The following ITGA1 variants were observed in gnomAD, a reference collection of about 807,000 sequenced individuals.
ITGA1 encodes integrin subunit alpha 1, also known as integrin alpha-1.
Under a neutral mutation model 145.9 loss-of-function variants are expected in ITGA1, and 85 were observed. The ratio of observed to expected loss-of-function variants is 0.58; its 90% CI spans 0.49 to 0.70. The LOEUF (loss-of-function observed/expected upper bound fraction) is 0.70. ITGA1 is among the 30% of genes least tolerant of loss of function. ITGA1 has a pLI of 0.00. For synonymous variants in ITGA1, 520 were observed against 495.3 expected (o/e 1.05, Z -0.66); for missense variants, 1,351 against 1,418.7 (o/e 0.95, Z 0.77).
intron 1 of ITGA1, chr5:52,801,807 C>T (rs764657655): frequency 1.9e-6 from 3 of 1,611,898 alleles, no homozygotes; most frequent in South Asian, 2.2e-5. Context: ...AACTTTCTGA[C>T]CAAGAGGGTG....
intron 28 of ITGA1, among the ~76,000 whole-genome samples, chr5:52,952,114 C>T (rs1174257855): frequency 6.7e-6 from 1 of 150,230 alleles, no homozygotes; most frequent in Non-Finnish European, 1.5e-5. Context: ...CACTTGAACC[C>T]GGGTGGCGGA....
intron 18 of ITGA1, among the ~76,000 whole-genome samples, chr5:52,923,579 G>T (rs577016409): frequency 6.6e-6 from 1 of 152,134 alleles, no homozygotes. Flanking sequence ...TTAGGAAAAA[G>T]CTTGAAACCC....
At chr5:52,821,846 G>C (rs750272952) in intron 1 of ITGA1, among the ~76,000 whole-genome samples, 1 of 152,008 alleles carries the variant, frequency 6.6e-6, no homozygotes, top group Non-Finnish European at 1.5e-5. Context: ...TTTTATTTGA[G>C]TTGTTTCGAC....
intron 6 of ITGA1, among the ~76,000 whole-genome samples, chr5:52,875,126 C>T (rs1749845039): frequency 6.6e-6 from 1 of 152,096 alleles, no homozygotes; most frequent in African/African-American, 2.4e-5. Flanking sequence ...CAATTTGTGA[C>T]AGTTTTCATA....
chr5:52,850,416 G>A (rs188212944), intron 2 of ITGA1, among the ~76,000 whole-genome samples: 38 of 152,074 alleles, frequency 2.5e-4, no homozygotes, highest in African/African-American at 8.0e-4. Flanking sequence ...TGTTTAATTG[G>A]ACATTCTAGG....
intron 6 of ITGA1, among the ~76,000 whole-genome samples, chr5:52,875,174 G>T (rs966636805): frequency 2.0e-5 from 3 of 151,956 alleles, no homozygotes; most frequent in African/African-American, 7.2e-5. Context: ...GGAGTCTGCC[G>T]TAAAGATATA....
intron 14 of ITGA1, among the ~76,000 whole-genome samples, chr5:52,913,820 TAATGAC>T (rs1750603321): frequency 6.6e-6 from 1 of 152,192 alleles, no homozygotes. Context: ...CATAAAACCA[TAATGAC>T]AATAGTGAAC....
chr5:52,902,081 TG>T, intron 11 of ITGA1: 1 of 106,558 alleles, frequency 9.4e-6, no homozygotes, highest in East Asian at 2.8e-4. Flanking sequence ...GAGAAGAGAC[TG>T]AGTGTATTTT....
intron 15 of ITGA1, among the ~76,000 whole-genome samples, chr5:52,916,606 T>TA (rs550561441): frequency 6.6e-4 from 97 of 148,062 alleles, no homozygotes; most frequent in Admixed American, 1.4e-3. Flanking sequence ...AATCACTATT[T>TA]AAAAAAAAAA....
Position 52,910,360 on chromosome 5 carries a change from G to T in ITGA1, c.1798G>T (p.Gly600Trp). ...VIGAPLEDDH[G>W]GAVYIYHGSG... ...AGGAGCTCCGCTGGAAGATGATCACGGGGGAGCTGTGTACATTTATCATGG... is the reference window on the plus strand; with the variant it reads ...AGGAGCTCCGCTGGAAGATGATCACTGGGGAGCTGTGTACATTTATCATGG... Residue 600 changes from glycine (G) to tryptophan (W), a missense_variant, in exon 14 of 29, where the codon GGG becomes TGG. Gly to Trp is a radical substitution (Grantham distance 184). Transcript: ENST00000282588. 1 of 1,613,756 alleles carries T rather than the reference G, an allele frequency of 6.2e-7. No homozygotes were observed. The highest frequency in any genetic ancestry group is 8.5e-7 in the Non-Finnish European group (1 of 1,179,786).
intron 2 of ITGA1, 126 bp downstream of exon 2, chr5:52,849,611 G>T: frequency 1.1e-6 from 1 of 884,226 alleles, no homozygotes; most frequent in South Asian, 3.2e-5. Flanking sequence ...AGAAAATGCA[G>T]TCTAGTCATT....
chr5:52,855,798 T>TAC (rs1227581791), intron 2 of ITGA1, among the ~76,000 whole-genome samples: 2 of 152,216 alleles, frequency 1.3e-5, no homozygotes, highest in African/African-American at 2.4e-5. Flanking sequence ...AGTGGTAAGA[T>TAC]ACACGTACTT....
intron 1 of ITGA1, among the ~76,000 whole-genome samples, chr5:52,848,601 A>G (rs991867258): frequency 1.4e-4 from 21 of 151,966 alleles, no homozygotes; most frequent in Non-Finnish European, 2.1e-4. Context: ...ATTACACTTT[A>G]AGTTCTAGGG....
intron 24 of ITGA1, among the ~76,000 whole-genome samples, chr5:52,937,878 C>A (rs905017674): frequency 1.3e-5 from 2 of 152,068 alleles, no homozygotes; most frequent in Non-Finnish European, 2.9e-5. Flanking sequence ...CCTTGGCTTG[C>A]GGCAGCATAG....
At chr5:52,899,663 AG>A (rs1750283789) in intron 11 of ITGA1, among the ~76,000 whole-genome samples, 1 of 152,210 alleles carries the variant, frequency 6.6e-6, no homozygotes, top group Non-Finnish European at 1.5e-5. Flanking sequence ...CCCTGCTACA[AG>A]TCTCACTCTC....
chr5:52,930,873 A>G (rs2111887514), intron 21 of ITGA1, among the ~76,000 whole-genome samples: 1 of 152,258 alleles, frequency 6.6e-6, no homozygotes, highest in African/African-American at 2.4e-5. Context: ...AATTGAACAG[A>G]CCTTGAAAAG....
intron 1 of ITGA1, among the ~76,000 whole-genome samples, chr5:52,838,139 A>G (rs184331178): frequency 6.6e-6 from 1 of 152,308 alleles, no homozygotes; most frequent in East Asian, 1.9e-4. Context: ...CTTCTGAATG[A>G]AGGAAATATT....
intron 1 of ITGA1, among the ~76,000 whole-genome samples, chr5:52,841,066 T>G (rs1358567385): frequency 6.6e-6 from 1 of 152,222 alleles, no homozygotes; most frequent in African/African-American, 2.4e-5. Context: ...CTTCCCAGGA[T>G]GAAACTTGGA....
intron 13 of ITGA1, 72 bp downstream of exon 13, chr5:52,909,113 C>G: frequency 6.8e-7 from 1 of 1,474,722 alleles, no homozygotes; most frequent in East Asian, 2.4e-5. Context: ...TAATAAATTC[C>G]AATTTTTCAC....
Sources: allele counts gnomAD v4.1 joint callset (sites outside exome capture counted in the v4.1 genomes callset), GRCh38; gene constraint gnomAD v4.1.1; transcripts MANE v1.5; gene names NCBI Gene and HGNC (gene_info 2026-07-23, HGNC 2026-07-21).